Variants in SLC35F3 observed in about 807,000 individuals in gnomAD.
SLC35F3 encodes the protein solute carrier family 35 member F3.
In SLC35F3, 25 loss-of-function variants were observed where a neutral mutation model predicts 49.9. That is an observed-to-expected ratio of 0.50 (90% CI 0.37 to 0.70). The LOEUF (loss-of-function observed/expected upper bound fraction) is 0.70, where lower values mean the gene tolerates loss of function less well. Among genes scored for constraint, SLC35F3 ranks in the 30% least tolerant of loss-of-function variants. The pLI, the probability that SLC35F3 is intolerant of heterozygous loss-of-function variation, is 0.00. For missense variants in SLC35F3, 525 were observed against 639.8 expected (o/e 0.82, Z 1.94); for synonymous variants, 275 against 265.4 (o/e 1.04, Z -0.35).
chr1:234,174,392 C>T (rs1451694974), intron 2 of SLC35F3, among the ~76,000 whole-genome samples: 3 of 152,248 alleles, frequency 2.0e-5, no homozygotes, highest in African/African-American at 4.8e-5. Context: ...TTGTTTTACT[C>T]ACTTTGAAAA....
intron 2 of SLC35F3, among the ~76,000 whole-genome samples, chr1:234,132,572 A>G (rs529311574): frequency 6.6e-6 from 1 of 152,318 alleles, no homozygotes; most frequent in African/African-American, 2.4e-5. Context: ...TTCAAAAGAA[A>G]CATTGTGTAT....
At chr1:234,049,225 C>T (rs1424169383) in intron 2 of SLC35F3, among the ~76,000 whole-genome samples, 1 of 152,092 alleles carries the variant, frequency 6.6e-6, no homozygotes, top group African/African-American at 2.4e-5. Flanking sequence ...TTGTACCCCC[C>T]ACCCCAATAC....
intron 3 of SLC35F3, among the ~76,000 whole-genome samples, chr1:234,308,214 G>A (rs946054119): frequency 8.5e-5 from 13 of 152,152 alleles, no homozygotes; most frequent in Non-Finnish European, 1.6e-4. Flanking sequence ...AATAGGTCAC[G>A]AGTTAACACT....
At chr1:234,121,328 C>T (rs981827501) in intron 2 of SLC35F3, among the ~76,000 whole-genome samples, 3 of 151,540 alleles carry the variant, frequency 2.0e-5, no homozygotes, top group South Asian at 2.1e-4. Flanking sequence ...TTAGTAGAGA[C>T]GGGGTTTCAC....
intron 3 of SLC35F3, among the ~76,000 whole-genome samples, chr1:234,260,564 C>T (rs183366972): frequency 1.7e-4 from 26 of 152,220 alleles, no homozygotes; most frequent in African/African-American, 2.2e-4. Context: ...GAGTTTTGAA[C>T]GGTAAGACTA....
At chr1:233,915,352 T>G (rs1661950169) in intron 2 of SLC35F3, among the ~76,000 whole-genome samples, 1 of 152,220 alleles carries the variant, frequency 6.6e-6, no homozygotes, top group African/African-American at 2.4e-5. Flanking sequence ...TTTCAGAAAT[T>G]GAGTCAGCTC....
At chr1:234,097,193 T>C (rs932927637) in intron 2 of SLC35F3, among the ~76,000 whole-genome samples, 4 of 152,110 alleles carry the variant, frequency 2.6e-5, no homozygotes, top group African/African-American at 7.2e-5. Flanking sequence ...CCAGACTACT[T>C]TGGGAAATTC....
At position 234,111,024 on chromosome 1, in the gene SLC35F3, C is replaced by T. The variant is rs140504353; in HGVS notation, c.284-120393C>T. Among the ~76,000 whole-genome samples the T allele has an allele frequency of 2.4e-3, 359 of 151,602 alleles. 1 individual carries two copies. The highest frequency in any genetic ancestry group is 8.1e-3 in the African/African-American group (336 of 41,292). Reference sequence around the variant, plus strand: ...TAAGTTCATAGTGGCTATCTCTAGACGGTGAGATTTTAGAACATTGTTATA... The same window carrying T: ...TAAGTTCATAGTGGCTATCTCTAGATGGTGAGATTTTAGAACATTGTTATA... On this transcript the variant is annotated intron_variant, in intron 2 of 7. Coordinates refer to ENST00000366618, the MANE Select transcript of SLC35F3 (RefSeq NM_173508.4).
intron 2 of SLC35F3, among the ~76,000 whole-genome samples, chr1:234,047,865 G>T (rs1406173207): frequency 1.3e-5 from 2 of 152,118 alleles, no homozygotes; most frequent in Non-Finnish European, 2.9e-5. Flanking sequence ...TCTGGTGAGG[G>T]CTCAGAAAGG....
At chr1:234,108,399 TTA>T (rs991140217) in intron 2 of SLC35F3, among the ~76,000 whole-genome samples, 19 of 92,858 alleles carry the variant, frequency 2.0e-4, no homozygotes, top group Middle Eastern at 5.5e-3. Context: ...AGATATATAT[TTA>T]TATATATGAT....
chr1:233,977,044 GT>G (rs144591639), intron 2 of SLC35F3, among the ~76,000 whole-genome samples: 79 of 152,298 alleles, frequency 5.2e-4, no homozygotes, highest in African/African-American at 1.9e-3. Context: ...CCTTGTTAAA[GT>G]TAAAGAGTAG....
At chr1:234,076,235 G>A (rs968217313) in intron 2 of SLC35F3, among the ~76,000 whole-genome samples, 2 of 148,602 alleles carry the variant, frequency 1.3e-5, no homozygotes, top group Admixed American at 6.6e-5. Flanking sequence ...CATTTTAAAC[G>A]TATTATCAAG....
intron 2 of SLC35F3, among the ~76,000 whole-genome samples, chr1:233,971,043 T>G (rs1281070902): frequency 6.6e-6 from 1 of 152,234 alleles, no homozygotes; most frequent in African/African-American, 2.4e-5. Context: ...GTCTAGACCC[T>G]GACACAGAGG....
In SLC35F3 at chr1:234,046,438, C is replaced by T. The variant is rs76256862; in HGVS notation, c.283+140680C>T. Among the ~76,000 whole-genome samples, 2,974 of 152,174 alleles carry T rather than the reference C, an allele frequency of 0.02. 102 individuals carry two copies. The highest frequency in any genetic ancestry group is 0.068 in the African/African-American group (2,813 of 41,530). On this transcript the variant is annotated intron_variant, in intron 2 of 7. Transcript: ENST00000366618. The surrounding 1 kb of genome is among the most constrained non-coding windows in gnomAD (Gnocchi z 4.4). Reference sequence around the variant, plus strand: ...TCACTAAATTGCTGCTCATTGTGTTCACTAACTTTTCAATTGAATTGTCTT... The same window carrying T: ...TCACTAAATTGCTGCTCATTGTGTTTACTAACTTTTCAATTGAATTGTCTT...
chr1:234,219,878 G>A (rs1667175963), intron 2 of SLC35F3, among the ~76,000 whole-genome samples: 1 of 152,332 alleles, frequency 6.6e-6, no homozygotes, highest in Non-Finnish European at 1.5e-5. Flanking sequence ...GCTGTCAGAG[G>A]TGGGAGGTGA....
At chr1:233,933,613 G>C (rs1412001609) in intron 2 of SLC35F3, among the ~76,000 whole-genome samples, 1 of 152,168 alleles carries the variant, frequency 6.6e-6, no homozygotes, top group Non-Finnish European at 1.5e-5. Context: ...TGCTTGGGGA[G>C]GCCGAGGCGG....
intron 2 of SLC35F3, among the ~76,000 whole-genome samples, chr1:233,928,011 AT>A (rs977468455): frequency 3.3e-5 from 5 of 152,072 alleles, no homozygotes; most frequent in African/African-American, 1.2e-4. Context: ...AACATGATAC[AT>A]TTTTTTTCAG....
rs141242540 is a variant in SLC35F3 at position 233,913,591 on chromosome 1, C to A, written c.283+7833C>A. ...TTCTTCCACAGTGCACAGAGTATCT[C>A]GATCAATAAACATTTGTTAAATGTA... On this transcript the variant is annotated intron_variant, in intron 2 of 7. Coordinates refer to ENST00000366618, the MANE Select transcript of SLC35F3 (RefSeq NM_173508.4). Among the ~76,000 whole-genome samples the A allele has an allele frequency of 2.1e-3, 322 of 152,288 alleles. 1 individual carries two copies. The highest frequency in any genetic ancestry group is 7.2e-3 in the African/African-American group (298 of 41,550).
intron 3 of SLC35F3, among the ~76,000 whole-genome samples, chr1:234,247,550 G>A (rs1306881095): frequency 1.3e-5 from 2 of 152,096 alleles, no homozygotes; most frequent in African/African-American, 4.8e-5. Context: ...TTGGTTGCCT[G>A]GTTCGTTGTT....
Sources: allele counts gnomAD v4.1 joint callset (sites outside exome capture counted in the v4.1 genomes callset), GRCh38; gene constraint gnomAD v4.1.1; non-coding constraint Gnocchi (gnomAD v3.1); transcripts MANE v1.5; gene names NCBI Gene and HGNC (gene_info 2026-07-23, HGNC 2026-07-21).